The following CLNK variants were observed in gnomAD, a reference collection of about 807,000 sequenced individuals.
CLNK encodes the protein cytokine dependent hematopoietic cell linker.
CLNK carries 74 observed loss-of-function variants against 68.6 expected under a neutral mutation model. That is an observed-to-expected ratio of 1.08 (90% CI 0.89 to 1.31). The LOEUF (loss-of-function observed/expected upper bound fraction) is 1.31, where lower values mean the gene tolerates loss of function less well. Among genes scored for constraint, CLNK ranks in the 50% most tolerant of loss-of-function variants. The pLI, the probability that CLNK is intolerant of heterozygous loss-of-function variation, is 0.00. For synonymous variants in CLNK, 198 were observed against 172.2 expected, an observed-to-expected ratio of 1.15 and a Z score of -1.17; for missense variants, 553 against 515.3, an observed-to-expected ratio of 1.07 and a Z score of -0.71.
At chr4:10,610,633 T>A (rs1432188906) in intron 2 of CLNK, among the ~76,000 whole-genome samples, 2 of 152,154 alleles carry the variant, frequency 1.3e-5, no homozygotes, top group Non-Finnish European at 2.9e-5. Context: ...AGACCATCAA[T>A]GTATGTAATG....
the CLNK span, among the ~76,000 whole-genome samples, chr4:10,726,685 C>G: frequency 2.6e-5 from 4 of 152,150 alleles, no homozygotes; most frequent in African/African-American, 9.7e-5. Flanking sequence ...ACCTTTTTAA[C>G]CTTTCAATTA....
At chr4:10,722,702 T>G in the CLNK span, among the ~76,000 whole-genome samples, 1 of 151,708 alleles carries the variant, frequency 6.6e-6, no homozygotes, top group Non-Finnish European at 1.5e-5. Flanking sequence ...AGGGTGGGAG[T>G]GGGCCCAAGC....
Position 10,543,259 on chromosome 4 carries a change from G to C in CLNK, c.446-979C>G, listed in dbSNP as rs149445196. ...CTTAAGTTACTCTGGGTTGTCAGAA[G>C]AAGGCTCCTTGGAAAAGCAATGTTT... On this transcript the variant is annotated intron_variant, in intron 8 of 18. Transcript: ENST00000226951. Among the ~76,000 whole-genome samples the C allele has an allele frequency of 1.4e-3, 209 of 152,348 alleles. 2 individuals carry two copies. The highest frequency in any genetic ancestry group is 4.8e-3 in the African/African-American group (198 of 41,590).
intron 2 of CLNK, among the ~76,000 whole-genome samples, chr4:10,635,392 C>T (rs764292963): frequency 6.6e-6 from 1 of 152,150 alleles, no homozygotes; most frequent in Non-Finnish European, 1.5e-5. Flanking sequence ...CCCTGTCCAC[C>T]TCTGACACTA....
chr4:10,650,628 C>T (rs1268996049), intron 2 of CLNK, among the ~76,000 whole-genome samples: 1 of 152,014 alleles, frequency 6.6e-6, no homozygotes, highest in Non-Finnish European at 1.5e-5. Flanking sequence ...AATTATATGT[C>T]TAATAAATTC....
chr4:10,709,113 G>A, the CLNK span, among the ~76,000 whole-genome samples: 2 of 152,128 alleles, frequency 1.3e-5, no homozygotes, highest in Non-Finnish European at 2.9e-5. Context: ...TAGTGGTATG[G>A]TATCAGACAT....
At chr4:10,655,637 ATTTTTTTTTTTTTTTTTT>A (rs869196104) in intron 2 of CLNK, among the ~76,000 whole-genome samples, 2 of 74,780 alleles carry the variant, frequency 2.7e-5, no homozygotes, top group African/African-American at 1.1e-4. Flanking sequence ...GATAGATAGC[ATTTTTTTTTTTTTTTTTT>A]TTTTTTTTTT....
At chr4:10,681,930 T>C (rs1162290689) in intron 1 of CLNK, among the ~76,000 whole-genome samples, 1 of 152,162 alleles carries the variant, frequency 6.6e-6, no homozygotes, top group Non-Finnish European at 1.5e-5. Flanking sequence ...AAGTGAGAAA[T>C]GATGAGCGTT....
intron 13 of CLNK, among the ~76,000 whole-genome samples, chr4:10,526,265 C>A (rs1184602226): frequency 6.6e-6 from 1 of 152,064 alleles, no homozygotes; most frequent in African/African-American, 2.4e-5. Flanking sequence ...TTCATTCATT[C>A]ATTTATATCA....
intron 2 of CLNK, among the ~76,000 whole-genome samples, chr4:10,615,345 G>A (rs372555014): frequency 6.6e-6 from 1 of 152,152 alleles, no homozygotes; most frequent in East Asian, 1.9e-4. Context: ...GCCAGGCATG[G>A]TGGCACATGC....
chr4:10,533,977 G>A (rs1264084681), intron 11 of CLNK, among the ~76,000 whole-genome samples: 2 of 152,080 alleles, frequency 1.3e-5, no homozygotes, highest in Admixed American at 1.3e-4. Flanking sequence ...AAAAATCAAA[G>A]AAATTAAATT....
intron 2 of CLNK, among the ~76,000 whole-genome samples, chr4:10,663,449 C>A (rs965838394): frequency 2.0e-5 from 3 of 152,126 alleles, no homozygotes; most frequent in Non-Finnish European, 1.5e-5. Context: ...GGGACTAGAT[C>A]TTATTCAACT....
chr4:10,596,698 A>T lies in CLNK; in HGVS notation c.83+1280T>A, dbSNP rs180800224. ...TGTTTTTTTTTAAATTTAGGTTTAT[A>T]AATAGTTTGGAACAGGTTGCAAAAA... On this transcript the variant is annotated intron_variant, in intron 3 of 18. Transcript: ENST00000226951. Among the ~76,000 whole-genome samples, 596 of 152,272 alleles carry T rather than the reference A, an allele frequency of 3.9e-3. 5 individuals are homozygous for T. Among genetic ancestry groups the T allele is most frequent in the African/African-American group, 0.014 (573 of 41,546 alleles).
intron 3 of CLNK, among the ~76,000 whole-genome samples, chr4:10,589,661 G>T (rs1408460858): frequency 6.6e-6 from 1 of 152,182 alleles, no homozygotes; most frequent in Admixed American, 6.5e-5. Flanking sequence ...GGGAGGGAGG[G>T]GATCAGGAGA....
At chr4:10,731,453 T>A in the CLNK span, among the ~76,000 whole-genome samples, 1 of 152,186 alleles carries the variant, frequency 6.6e-6, no homozygotes, top group Admixed American at 6.5e-5. Flanking sequence ...TGTTCCTTAG[T>A]TTCTGGTAAT....
At chr4:10,590,346 T>G (rs1016167835) in intron 3 of CLNK, among the ~76,000 whole-genome samples, 1 of 152,228 alleles carries the variant, frequency 6.6e-6, no homozygotes, top group Non-Finnish European at 1.5e-5. Flanking sequence ...AGACAGGGCA[T>G]GCTTGCCTTC....
chr4:10,553,868 A>T (rs1719561132), intron 8 of CLNK, among the ~76,000 whole-genome samples: 1 of 152,094 alleles, frequency 6.6e-6, no homozygotes, highest in African/African-American at 2.4e-5. Context: ...CAATGGGAGG[A>T]AGTTGTAGGA....
Position 10,541,932 on chromosome 4 carries a change from A to G in CLNK, c.491+90T>C, listed in dbSNP as rs545965549. On this transcript the variant is annotated intron_variant, in intron 10 of 18. Transcript: ENST00000226951. Reference sequence around the variant, plus strand: ...ACTCTGAAATCATATTAGATTTTCAATGTCAAATGTTTGTGTTTCTCTTTT... The same window carrying G: ...ACTCTGAAATCATATTAGATTTTCAGTGTCAAATGTTTGTGTTTCTCTTTT... 7.2e-5 allele frequency: 70 copies of G among 969,670 alleles called. No individual in the cohort carries two copies. The South Asian group carries it at 7.8e-4, about 11-fold the overall frequency. 60.1% of individuals were successfully genotyped at this position (969,670 alleles called of 1,614,324 possible). A position where few individuals can be genotyped will look rare whatever the true frequency, so the allele number is the denominator to read the frequency against.
rs527631744 is a variant in CLNK, at chr4:10,627,643, C to T, written c.12-29594G>A. ...GAGAGACAGGGTCAGAGAGACAGAG[C>T]GTCTCTCTGTCTCCTCCTTCTGCTG... On this transcript the variant is annotated intron_variant, in intron 2 of 18. Transcript: ENST00000226951. 2.0e-5 allele frequency among the ~76,000 whole-genome samples: 3 copies of T among 151,960 alleles called. No homozygotes were observed. The East Asian group carries it at 5.8e-4, about 29-fold the overall frequency.
Sources: allele counts gnomAD v4.1 joint callset (sites outside exome capture counted in the v4.1 genomes callset), GRCh38; gene constraint gnomAD v4.1.1; transcripts MANE v1.5; gene names NCBI Gene and HGNC (gene_info 2026-07-23, HGNC 2026-07-21).